DCC: variants seen among roughly 807,000 people sequenced by gnomAD.
The protein encoded by DCC is DCC netrin 1 receptor, also known as netrin receptor DCC.
DCC carries 58 observed loss-of-function variants against 172.5 expected under a neutral mutation model. The observed-to-expected ratio is 0.34, with a 90% confidence interval of 0.27 to 0.42. The LOEUF is 0.42. Ranked by LOEUF, DCC falls within the 10% of genes least tolerant of loss-of-function variation. The pLI is 1.00. For missense variants in DCC, 1,740 were observed against 1,791.0 expected (o/e 0.97, Z 0.51); for synonymous variants, 709 against 644.5 (o/e 1.10, Z -1.52).
intron 7 of DCC, among the ~76,000 whole-genome samples, chr18:53,142,467 C>T (rs953128511): frequency 1.3e-5 from 2 of 152,118 alleles, no homozygotes; most frequent in African/African-American, 4.8e-5. Flanking sequence ...TGATGCACTC[C>T]TAATAGATAA....
chr18:52,828,492 C>T (rs1005218370), intron 2 of DCC, among the ~76,000 whole-genome samples: 4 of 151,852 alleles, frequency 2.6e-5, no homozygotes, highest in Non-Finnish European at 5.9e-5. Context: ...GATCTAGTTG[C>T]TATTGTCTTA....
At chr18:52,809,926 G>C (rs2038162005) in intron 2 of DCC, among the ~76,000 whole-genome samples, 1 of 152,030 alleles carries the variant, frequency 6.6e-6, no homozygotes, top group South Asian at 2.1e-4. Context: ...CCCTCTACCT[G>C]ATTGGTTGGG....
At chr18:52,536,700 C>G (rs902363518) in intron 1 of DCC, among the ~76,000 whole-genome samples, 2 of 152,148 alleles carry the variant, frequency 1.3e-5, no homozygotes, top group Non-Finnish European at 2.9e-5. Context: ...CAAATTCCAT[C>G]TATCCCCTAG....
intron 2 of DCC, among the ~76,000 whole-genome samples, chr18:52,761,908 CA>C (rs1222086354): frequency 0.015 from 737 of 48,434 alleles, 1 homozygote; most frequent in Non-Finnish European, 0.027. Flanking sequence ...GACTCTGTCT[CA>C]AAAAAAAAAA....
intron 5 of DCC, among the ~76,000 whole-genome samples, chr18:53,047,209 T>A (rs2042249585): frequency 8.1e-6 from 1 of 123,552 alleles, no homozygotes; most frequent in Non-Finnish European, 1.7e-5. Flanking sequence ...CTTAAGGCTA[T>A]CCTGGTGAGC....
At chr18:53,275,891 C>T (rs1044553534) in intron 12 of DCC, among the ~76,000 whole-genome samples, 6 of 150,176 alleles carry the variant, frequency 4.0e-5, no homozygotes, top group East Asian at 3.9e-4. Context: ...AAAAACACTC[C>T]TTTAGAGTTA....
intron 25 of DCC, among the ~76,000 whole-genome samples, chr18:53,484,474 A>C (rs1245323640): frequency 2.0e-5 from 3 of 151,964 alleles, no homozygotes; most frequent in African/African-American, 7.2e-5. Flanking sequence ...TTTGAAGCCA[A>C]GCTTTTGGTG....
intron 12 of DCC, among the ~76,000 whole-genome samples, chr18:53,293,228 T>C (rs1162433504): frequency 6.6e-6 from 1 of 152,196 alleles, no homozygotes; most frequent in Non-Finnish European, 1.5e-5. Flanking sequence ...GAATACCTTT[T>C]ATGTGCAGAA....
intron 21 of DCC, among the ~76,000 whole-genome samples, chr18:53,421,473 C>G (rs930512015): frequency 6.6e-6 from 1 of 152,138 alleles, no homozygotes; most frequent in Non-Finnish European, 1.5e-5. Context: ...AGAGAAGAGG[C>G]CTACGTACAT....
chr18:52,505,687 T>C (rs1220805467), intron 1 of DCC, among the ~76,000 whole-genome samples: 2 of 152,136 alleles, frequency 1.3e-5, no homozygotes, highest in South Asian at 2.1e-4. Context: ...TGAGTTAAAG[T>C]TGAAAAATTC....
intron 2 of DCC, among the ~76,000 whole-genome samples, chr18:52,817,589 T>C (rs951534037): frequency 2.6e-5 from 4 of 151,644 alleles, no homozygotes; most frequent in Non-Finnish European, 2.9e-5. Flanking sequence ...CAGTCTCTCT[T>C]CCTCTTTCTA....
At chr18:52,754,704 GC>G (rs1361993246) in intron 2 of DCC, among the ~76,000 whole-genome samples, 1 of 152,206 alleles carries the variant, frequency 6.6e-6, no homozygotes, top group Non-Finnish European at 1.5e-5. Flanking sequence ...AGTCAGTTAA[GC>G]CAGATTTTAC....
At chr18:52,401,107 G>C (rs980282097) in intron 1 of DCC, among the ~76,000 whole-genome samples, 2 of 151,586 alleles carry the variant, frequency 1.3e-5, no homozygotes, top group Admixed American at 1.3e-4. Flanking sequence ...GAATAATAAT[G>C]ATAAATAATA....
At chr18:52,803,253 C>T (rs1006392024) in intron 2 of DCC, among the ~76,000 whole-genome samples, 1 of 152,098 alleles carries the variant, frequency 6.6e-6, no homozygotes. Context: ...CAAGAGATCA[C>T]TTTTTCCATG....
At chr18:53,241,109 T>A (rs1044535639) in intron 12 of DCC, among the ~76,000 whole-genome samples, 3 of 152,042 alleles carry the variant, frequency 2.0e-5, no homozygotes, top group Non-Finnish European at 4.4e-5. Context: ...TGGGAAGTAA[T>A]GTTATTCCAG....
intron 7 of DCC, among the ~76,000 whole-genome samples, chr18:53,142,994 C>A (rs1241659626): frequency 6.6e-6 from 1 of 152,008 alleles, no homozygotes; most frequent in African/African-American, 2.4e-5. Flanking sequence ...GACTGGTATT[C>A]TTTTTGGAAA....
intron 1 of DCC, among the ~76,000 whole-genome samples, chr18:52,387,763 C>T (rs536477011): frequency 9.9e-5 from 15 of 152,176 alleles, no homozygotes; most frequent in African/African-American, 3.6e-4. Context: ...ATGCTCTCTA[C>T]TCTTTCAAAT....
intron 5 of DCC, among the ~76,000 whole-genome samples, chr18:52,995,448 AT>A (rs1458966709): frequency 1.3e-5 from 2 of 150,906 alleles, no homozygotes; most frequent in Non-Finnish European, 1.5e-5. Context: ...TGAAAGTAAT[AT>A]TTACTATTGC....
intron 2 of DCC, among the ~76,000 whole-genome samples, chr18:52,782,769 A>G (rs2037571684): frequency 6.6e-6 from 1 of 152,070 alleles, no homozygotes; most frequent in Non-Finnish European, 1.5e-5. Flanking sequence ...TGTACAAGAA[A>G]AATCAGCATA....
Sources: gnomAD v4.1 joint callset for allele counts (sites outside exome capture counted in the v4.1 genomes callset) on GRCh38, gnomAD v4.1.1 for gene constraint, MANE v1.5 for transcripts, NCBI Gene and HGNC (gene_info 2026-07-23, HGNC 2026-07-21) for gene names.